ZFAND4: variants seen among roughly 807,000 people sequenced by gnomAD.
ZFAND4 encodes the protein zinc finger AN1-type containing 4, also known as AN1-type zinc finger protein 4.
Under a neutral mutation model 64.4 loss-of-function variants are expected in ZFAND4, and 43 were observed. The observed-to-expected ratio is 0.67, with a 90% CI of 0.52 to 0.86. ZFAND4 has a LOEUF of 0.86. ZFAND4 is among the 40% of genes least tolerant of loss of function. The pLI, the probability that ZFAND4 is intolerant of heterozygous loss-of-function variation, is 0.00. For missense variants in ZFAND4, 929 were observed against 859.8 expected (o/e 1.08, Z -1.01); for synonymous variants, 296 against 305.7 (o/e 0.97, Z 0.33).
chr10:45,662,714 T>C, intron 2 of ZFAND4: 3 of 959,186 alleles, frequency 3.1e-6, no homozygotes, highest in African/African-American at 3.5e-5. Context: ...GGAGCTCATA[T>C]ATATCCTTGG....
Position 45,648,505 on chromosome 10 carries a change from C to T in ZFAND4, c.358G>A (p.Ala120Thr). The T allele has an allele frequency of 6.2e-7, 1 of 1,612,764 alleles. No homozygotes were observed. The highest frequency in any genetic ancestry group is 8.5e-7 in the Non-Finnish European group (1 of 1,179,456). ...VPTDDPLRKM[A>T]EYLDSSRVEV... Reference sequence around the variant, plus strand: ...ACTCGACTGGAATCCAAGTACTCTGCCATCTTCCTAAGTGGATCGTCTGTA... The same window carrying T: ...ACTCGACTGGAATCCAAGTACTCTGTCATCTTCCTAAGTGGATCGTCTGTA... Residue 120 changes from alanine (A) to threonine (T), a missense_variant, in exon 5 of 10, where the codon GCA becomes ACA. Ala to Thr is a moderately conservative substitution (Grantham distance 58). Transcript: ENST00000344646.
At chr10:45,634,967 A>G (rs1215261399) in intron 6 of ZFAND4, among the ~76,000 whole-genome samples, 1 of 152,044 alleles carries the variant, frequency 6.6e-6, no homozygotes, top group Non-Finnish European at 1.5e-5. Flanking sequence ...AAAGATCTCT[A>G]TAATGAAAGC....
At chr10:45,622,860 T>C (rs916379993) in intron 8 of ZFAND4, among the ~76,000 whole-genome samples, 39 of 152,232 alleles carry the variant, frequency 2.6e-4, no homozygotes, top group South Asian at 4.1e-4. Context: ...TGAAATACCA[T>C]GATTGTTTAT....
chr10:45,626,224 T>C lies in ZFAND4; in HGVS notation c.1599A>G (p.Ser533=), dbSNP rs17854568. The C allele has an allele frequency of 6.2e-7, 1 of 1,614,052 alleles. No individual in the cohort carries two copies. The highest frequency in any genetic ancestry group is 1.7e-5 in the Admixed American group (1 of 59,996). Residue 533 remains serine (S), a synonymous_variant, in exon 7 of 10, where the codon TCA becomes TCG. Transcript: ENST00000344646. The part of the protein sequence containing the change: ...TTCFQGVKVD[S]LGKRSDVISK... The stretch of plus-strand genomic sequence containing the variant: ...AAATAACATCAGATCTTTTCCCAAG[T>C]GAATCAACTTTAACACCTTGAAAGC...
intron 8 of ZFAND4, among the ~76,000 whole-genome samples, chr10:45,619,685 T>C (rs1564543744): frequency 2.6e-5 from 4 of 152,114 alleles, no homozygotes; most frequent in African/African-American, 7.2e-5. Context: ...TTACAATTAA[T>C]TGGTTCTATG....
At chr10:45,667,414 T>C (rs1028168216) in intron 1 of ZFAND4, among the ~76,000 whole-genome samples, 40 of 150,944 alleles carry the variant, frequency 2.6e-4, no homozygotes, top group African/African-American at 8.7e-4. Context: ...CATTTACAAA[T>C]AGAGTTTTAC....
chr10:45,668,160 G>C (rs541138464), intron 1 of ZFAND4, among the ~76,000 whole-genome samples: 3 of 152,262 alleles, frequency 2.0e-5, no homozygotes, highest in Non-Finnish European at 4.4e-5. Flanking sequence ...TATGTTGATG[G>C]ATTTGATCTG....
At chr10:45,654,218 C>T (rs756460041) in intron 2 of ZFAND4, among the ~76,000 whole-genome samples, 5 of 152,136 alleles carry the variant, frequency 3.3e-5, no homozygotes, top group African/African-American at 9.7e-5. Flanking sequence ...GTACTATGCT[C>T]ACATCCTGGG....
chr10:45,626,619 C>A lies in ZFAND4; in HGVS notation c.1204G>T (p.Ala402Ser), dbSNP rs141191502. 135 of 1,614,188 alleles carry A rather than the reference C, an allele frequency of 8.4e-5. No individual in the cohort carries two copies. In the African/African-American group the frequency reaches 1.5e-3, roughly 18 times the overall value. The change falls in exon 7 of 10, where the codon GCT becomes TCT. Residue 402 changes from alanine to serine, a missense_variant. Physicochemically the swap from Ala to Ser is moderately conservative, Grantham distance 99 (BLOSUM62 1). Transcript: ENST00000344646. The part of the protein sequence containing the change: ...QSLLPKVGSL[A>S]SFAEGNADEQ... ...TCAGCATTTCCTTCTGCAAATGAAG[C>A]CAGTGAGCCCACTTTAGGTAGAAGT...
chr10:45,656,752 GT>G (rs2048148415), intron 2 of ZFAND4, among the ~76,000 whole-genome samples: 1 of 152,054 alleles, frequency 6.6e-6, no homozygotes, highest in African/African-American at 2.4e-5. Context: ...AAGGATGGGG[GT>G]CTTTGGAGGT....
chr10:45,636,569 G>A (rs1454583367), intron 6 of ZFAND4, among the ~76,000 whole-genome samples: 1 of 152,072 alleles, frequency 6.6e-6, no homozygotes, highest in Non-Finnish European at 1.5e-5. Context: ...CCTGGGAGGT[G>A]GAGATTGTAG....
intron 6 of ZFAND4, among the ~76,000 whole-genome samples, chr10:45,632,472 A>T (rs1460797985): frequency 1.3e-5 from 2 of 152,172 alleles, no homozygotes; most frequent in Non-Finnish European, 2.9e-5. Flanking sequence ...AGTAGAAAAA[A>T]ATTTTTAATG....
chr10:45,630,547 G>A (rs2046132647), intron 6 of ZFAND4, among the ~76,000 whole-genome samples: 1 of 152,004 alleles, frequency 6.6e-6, no homozygotes, highest in Non-Finnish European at 1.5e-5. Flanking sequence ...CTAAGAGGGT[G>A]AAATCCTGTC....
intron 1 of ZFAND4, among the ~76,000 whole-genome samples, chr10:45,670,658 C>T (rs1214157417): frequency 6.6e-6 from 1 of 152,154 alleles, no homozygotes; most frequent in Admixed American, 6.5e-5. Flanking sequence ...GGATCCCTTC[C>T]TTACACCTTA....
chr10:45,670,080 G>A (rs953261150), intron 1 of ZFAND4, among the ~76,000 whole-genome samples: 3 of 152,074 alleles, frequency 2.0e-5, no homozygotes, highest in African/African-American at 4.8e-5. Flanking sequence ...AGGAAAAGAG[G>A]AAGTCAAATT....
intron 1 of ZFAND4, among the ~76,000 whole-genome samples, chr10:45,666,125 A>C (rs751778376): frequency 1.1e-4 from 17 of 152,210 alleles, no homozygotes; most frequent in Non-Finnish European, 1.8e-4. Context: ...CAATTTGTGG[A>C]ACTACCAAAC....
rs1382933449 is a variant in ZFAND4 at position 45,618,243 on chromosome 10, G to A, written c.1945C>T (p.His649Tyr). The change falls in exon 9 of 10, where the codon CAC becomes TAC. Residue 649 changes from histidine (H) to tyrosine (Y), a missense_variant. Physicochemically the swap from His to Tyr is moderately conservative, Grantham distance 83 (BLOSUM62 2). Coordinates refer to ENST00000344646, the MANE Select transcript of ZFAND4 (RefSeq NM_174890.4). ...GKSVGECTTH[H>Y]LPPVKAPLQT... is the part of the protein sequence containing the mutation. ...AGAGGGGCTTTCACAGGTGGGAGGT[G>A]ATGAGTAGTACATTCTCCTGTTTAG... The A allele has an allele frequency of 6.2e-7, 1 of 1,613,028 alleles. No homozygotes were observed.
chr10:45,622,392 A>G (rs1001287419), intron 8 of ZFAND4, among the ~76,000 whole-genome samples: 23 of 152,236 alleles, frequency 1.5e-4, no homozygotes, highest in Admixed American at 1.4e-3. Flanking sequence ...AAACTTCTAG[A>G]AGAAAAGATA....
At position 45,663,741 on chromosome 10, in the gene ZFAND4, A is replaced by C. The variant is rs749049180; in HGVS notation, c.-16T>G. On this transcript the variant is annotated 5_prime_UTR_variant, in exon 2 of 10. Coordinates refer to ENST00000344646, the MANE Select transcript of ZFAND4 (RefSeq NM_174890.4). ...TGTTATCCATTACTTTGACTTTTCT[A>C]GTTCTTCTAAAATATGTCGCAGGCA... 1 of 1,579,058 alleles carries C rather than the reference A, an allele frequency of 6.3e-7. No individual in the cohort carries two copies. The highest frequency in any genetic ancestry group is 8.6e-7 in the Non-Finnish European group (1 of 1,169,408).
Sources: gnomAD v4.1 joint callset for allele counts (sites outside exome capture counted in the v4.1 genomes callset) on GRCh38, gnomAD v4.1.1 for gene constraint, MANE v1.5 for transcripts, NCBI Gene and HGNC (gene_info 2026-07-23, HGNC 2026-07-21) for gene names.